Variants in CWC27 observed in about 807,000 individuals in gnomAD.
The protein encoded by CWC27 is CWC27 spliceosome associated cyclophilin, also known as spliceosome-associated protein CWC27 homolog.
CWC27 carries 47 observed loss-of-function variants against 63.6 expected under a neutral mutation model. The ratio of observed to expected loss-of-function variants is 0.74; its 90% CI spans 0.58 to 0.94. The LOEUF is 0.94. Among genes scored for constraint, CWC27 ranks in the 40% least tolerant of loss-of-function variants. CWC27 has a pLI of 0.00. For synonymous variants in CWC27, 175 were observed against 179.8 expected (o/e 0.97, Z 0.22); for missense variants, 495 against 554.3 (o/e 0.89, Z 1.07).
intron 11 of CWC27, among the ~76,000 whole-genome samples, chr5:64,949,643 T>G (rs1430478299): frequency 1.3e-5 from 2 of 152,078 alleles, no homozygotes; most frequent in African/African-American, 4.8e-5. Flanking sequence ...ATAATTTGCC[T>G]GCCACACTAA....
At chr5:64,983,295 T>C (rs752137762) in intron 13 of CWC27, among the ~76,000 whole-genome samples, 1 of 152,208 alleles carries the variant, frequency 6.6e-6, no homozygotes, top group Non-Finnish European at 1.5e-5. Flanking sequence ...TTTTTGTAAA[T>C]CTCTGAAATC....
chr5:64,881,076 A>C (rs1432917972), intron 10 of CWC27, among the ~76,000 whole-genome samples: 1 of 152,056 alleles, frequency 6.6e-6, no homozygotes, highest in African/African-American at 2.4e-5. Flanking sequence ...TCCTAAATTT[A>C]GACTGTGATC....
At chr5:64,831,502 A>ATAGATAGG (rs1328266884) in intron 10 of CWC27, among the ~76,000 whole-genome samples, 1 of 151,790 alleles carries the variant, frequency 6.6e-6, no homozygotes, top group Non-Finnish European at 1.5e-5. Flanking sequence ...AGATAGATAG[A>ATAGATAGG]TAGATAGATA....
intron 11 of CWC27, among the ~76,000 whole-genome samples, chr5:64,907,460 T>C (rs898155850): frequency 7.9e-5 from 12 of 152,202 alleles, no homozygotes; most frequent in Admixed American, 3.3e-4. Flanking sequence ...ATGATTTGGC[T>C]CTCTGTCTGT....
intron 11 of CWC27, among the ~76,000 whole-genome samples, chr5:64,943,087 C>T (rs930546051): frequency 1.3e-5 from 2 of 151,788 alleles, no homozygotes; most frequent in African/African-American, 4.8e-5. Flanking sequence ...ATCAGGTATG[C>T]TTTTCAATAA....
In CWC27 at chr5:64,827,886, A is replaced by C. The variant is rs80125321; in HGVS notation, c.938+23500A>C. ...GTTCTGAGTAGTGTGATGAAATCTT[A>C]CACCATCCTGCTTTGTGCTGCCCAA... On this transcript the variant is annotated intron_variant, in intron 10 of 13. Transcript: ENST00000381070. Among the ~76,000 whole-genome samples the C allele has an allele frequency of 7.6e-4, 116 of 152,282 alleles. 1 individual carries two copies. In the East Asian group the frequency reaches 0.019, roughly 25 times the overall value.
intron 11 of CWC27, among the ~76,000 whole-genome samples, chr5:64,970,619 C>G (rs975987550): frequency 6.6e-5 from 10 of 152,098 alleles, no homozygotes; most frequent in African/African-American, 2.4e-4. Flanking sequence ...GATATTATTT[C>G]TGTATTTAAT....
chr5:64,840,482 CTT>C (rs1056789744), intron 10 of CWC27, among the ~76,000 whole-genome samples: 18 of 116,472 alleles, frequency 1.5e-4, no homozygotes, highest in Non-Finnish European at 3.1e-4. Flanking sequence ...GGAAAAAAAA[CTT>C]TTTTTCTATC....
At position 64,804,225 on chromosome 5, in the gene CWC27, A is replaced by G; in HGVS notation, c.781-4A>G. 1 of 1,590,994 alleles carries G rather than the reference A, an allele frequency of 6.3e-7. No homozygotes were observed. The highest frequency in any genetic ancestry group is 8.6e-7 in the Non-Finnish European group (1 of 1,168,238). ...TGGCAAATACTCATTTTCCATTTCT[A>G]CAGGATGGAGAAGATGAAAGTGCAG... is the stretch of plus-strand genomic sequence containing the variant. On this transcript the variant is annotated splice_region_variant and splice_polypyrimidine_tract_variant and intron_variant, in intron 9 of 13. Coordinates refer to ENST00000381070, the MANE Select transcript of CWC27 (RefSeq NM_005869.4).
intron 1 of CWC27, among the ~76,000 whole-genome samples, chr5:64,774,060 C>T (rs1743355903): frequency 6.6e-6 from 1 of 152,036 alleles, no homozygotes; most frequent in Non-Finnish European, 1.5e-5. Context: ...TTAATGGGTT[C>T]ATTATTCTTT....
intron 10 of CWC27, among the ~76,000 whole-genome samples, chr5:64,866,128 T>A (rs1420989454): frequency 6.6e-6 from 1 of 152,068 alleles, no homozygotes; most frequent in Non-Finnish European, 1.5e-5. Flanking sequence ...TTCATATCTA[T>A]AAAGCAGATG....
intron 11 of CWC27, among the ~76,000 whole-genome samples, chr5:64,937,990 A>G (rs1748393867): frequency 8.0e-6 from 1 of 125,312 alleles, no homozygotes; most frequent in Admixed American, 9.9e-5. Flanking sequence ...TTTTGAGCCT[A>G]TGTGTGTCTT....
chr5:64,980,591 T>G (rs996077120), intron 13 of CWC27, among the ~76,000 whole-genome samples: 94 of 152,332 alleles, frequency 6.2e-4, no homozygotes, highest in African/African-American at 2.0e-3. Context: ...AAGATTAACT[T>G]GAAACATTAC....
At chr5:64,885,698 GGTGTGTGTGTGTGTGTGTGT>G (rs143055779) in intron 11 of CWC27, 152 bp downstream of exon 11, 17 of 261,442 alleles carry the variant, frequency 6.5e-5, no homozygotes, top group Non-Finnish European at 1.0e-4. Flanking sequence ...CTTGAGTTAG[GGTGTGTGTGTGTGTGTGTGT>G]GTGTGTGTGT....
chr5:64,785,530 T>C lies in CWC27; in HGVS notation c.446T>C (p.Ile149Thr). The change falls in exon 5 of 14, where the codon ATT becomes ACT. Residue 149 changes from isoleucine to threonine, a missense_variant. Ile to Thr is a moderately conservative substitution (Grantham distance 89). Transcript: ENST00000381070. ...YNMLRLSEVDIDDDERPHNPH... is the reference protein window; with the variant it reads ...YNMLRLSEVDTDDDERPHNPH... ...ATGTTGCGACTGTCAGAAGTAGACA[T>C]TGATGATGACGAAAGACCACATAAT... 2 of 1,577,302 alleles carry C rather than the reference T, an allele frequency of 1.3e-6. No homozygotes were observed. The highest frequency in any genetic ancestry group is 1.7e-4 in the Middle Eastern group (1 of 5,896).
chr5:64,827,484 A>T (rs1249272768), intron 10 of CWC27, among the ~76,000 whole-genome samples: 1 of 152,186 alleles, frequency 6.6e-6, no homozygotes, highest in Non-Finnish European at 1.5e-5. Flanking sequence ...TTTATAGAGG[A>T]AGGAGTATTG....
chr5:64,981,494 T>G (rs1749331017), intron 13 of CWC27, among the ~76,000 whole-genome samples: 1 of 152,252 alleles, frequency 6.6e-6, no homozygotes, highest in Non-Finnish European at 1.5e-5. Flanking sequence ...TTGTTGGATA[T>G]TTAAACAATG....
intron 11 of CWC27, among the ~76,000 whole-genome samples, chr5:64,890,355 G>A (rs570026119): frequency 1.3e-5 from 2 of 152,302 alleles, no homozygotes; most frequent in South Asian, 2.1e-4. Context: ...GGTTGTGAAA[G>A]TATATAGTTT....
At chr5:64,960,166 T>C (rs1748881197) in intron 11 of CWC27, among the ~76,000 whole-genome samples, 1 of 152,092 alleles carries the variant, frequency 6.6e-6, no homozygotes, top group African/African-American at 2.4e-5. Context: ...ACCCAGTTGG[T>C]TACCTGATGC....
Sources: allele counts gnomAD v4.1 joint callset (sites outside exome capture counted in the v4.1 genomes callset), GRCh38; gene constraint gnomAD v4.1.1; transcripts MANE v1.5; gene names NCBI Gene and HGNC (gene_info 2026-07-23, HGNC 2026-07-21).